CAMKV: variants seen among roughly 807,000 people sequenced by gnomAD.
The protein encoded by CAMKV is caM kinase-like vesicle-associated protein.
CAMKV carries 5 observed loss-of-function variants against 50.2 expected under a neutral mutation model. That is an observed-to-expected ratio of 0.10 (90% CI 0.05 to 0.21). The LOEUF (loss-of-function observed/expected upper bound fraction) is 0.21, where lower values mean the gene tolerates loss of function less well. Ranked by LOEUF, CAMKV falls within the 10% of genes least tolerant of loss-of-function variation. The pLI is 1.00. For missense variants in CAMKV, 361 were observed against 650.5 expected, an observed-to-expected ratio of 0.55 and a Z score of 4.84; for synonymous variants, 229 against 250.1, an observed-to-expected ratio of 0.92 and a Z score of 0.80.
chr3:49,866,824 G>T (rs1430198202), intron 1 of CAMKV, among the ~76,000 whole-genome samples: 1 of 152,250 alleles, frequency 6.6e-6, no homozygotes, highest in Non-Finnish European at 1.5e-5. Flanking sequence ...CGGGACAAAG[G>T]CCAAGAGGTC....
chr3:49,859,655 G>A lies in CAMKV; in HGVS notation c.1169C>T (p.Thr390Ile). The A allele has an allele frequency of 8.1e-6, 13 of 1,614,152 alleles. No individual in the cohort carries two copies. The highest frequency in any genetic ancestry group is 1.1e-5 in the Non-Finnish European group (13 of 1,180,006). The change falls in exon 11 of 11, where the codon ACA becomes ATA. Residue 390 changes from threonine (T) to isoleucine (I), a missense_variant. Around this residue, in one of 4 missense-constraint regions of CAMKV, gnomAD observed 87 missense variants for 92.0 expected, o/e 0.95. Transcript: ENST00000477224. The surrounding 1 kb of genome is among the most constrained non-coding windows in gnomAD (Gnocchi z 5.5). The part of the protein sequence containing the change: ...APADRSATPA[T>I]DGSATPATDG... ...AGTGGCTGGGGTGGCACTTCCATCT[G>A]TGGCTGGGGTGGCACTACGGTCTGC...
Position 49,858,894 on chromosome 3 carries a change from A to C in CAMKV, c.*424T>G. 1 of 180,968 alleles carries C rather than the reference A, an allele frequency of 5.5e-6. No homozygotes were observed. The highest frequency in any genetic ancestry group is 1.2e-5 in the Non-Finnish European group (1 of 85,410). The allele number at this position is 180,968 out of a possible 1,614,324, so 11.2% of individuals were successfully genotyped here. ...AAGACCGCTGACAGGGCCTCGCTGG[A>C]GGACCAGCTCTCAGGGCAAGGCCGC... On this transcript the variant is annotated 3_prime_UTR_variant, in exon 11 of 11. Transcript: ENST00000477224.
Position 49,862,522 on chromosome 3 carries a change from G to C in CAMKV, c.-14-120C>G. 1.3e-6 allele frequency: 1 copy of C among 783,310 alleles called. No homozygotes were observed. Among genetic ancestry groups the C allele is most frequent in the Non-Finnish European group, 2.2e-6 (1 of 460,272 alleles). 48.5% of individuals were successfully genotyped at this position (783,310 alleles called of 1,614,324 possible). ...AAGCTAGGGGCAGAGACCATACCAG[G>C]AGGGGCTAGAGGATAGGCAGGCTTA... On this transcript the variant is annotated intron_variant, in intron 1 of 10. Transcript: ENST00000477224. This position sits in a 1 kb window ranked among gnomAD's most constrained non-coding sequence, Gnocchi z 5.2.
rs2082090371 is a variant in CAMKV, at chr3:49,869,513, A to T, written c.-15+245T>A. ...AATCTTCGAGGGTTAATCTTTTCAC[A>T]ATTCCGAGCCGCAGAAGCTTCCCCC... On this transcript the variant is annotated intron_variant, in intron 1 of 10. Coordinates refer to ENST00000477224, the MANE Select transcript of CAMKV (RefSeq NM_024046.5). This position sits in a 1 kb window ranked among gnomAD's most constrained non-coding sequence, Gnocchi z 5.2. Among the ~76,000 whole-genome samples the T allele has an allele frequency of 6.6e-6, 1 of 151,964 alleles. No individual in the cohort carries two copies. Among genetic ancestry groups the T allele is most frequent in the African/African-American group, 2.4e-5 (1 of 41,366 alleles).
At position 49,859,834 on chromosome 3, in the gene CAMKV, C is replaced by T. The variant is rs972714196; in HGVS notation, c.990G>A (p.Glu330=). ...ACTGGGCTGCAGCCGTGCTGGACTG[C>T]TCTGGTGCCCGGAGCCGTTTCATGA... ...TTLMKRLRAP[E]QSSTAAAQSA... Residue 330 remains glutamate (E), a synonymous_variant, in exon 11 of 11, where the codon GAG becomes GAA. Transcript: ENST00000477224. This position sits in a 1 kb window ranked among gnomAD's most constrained non-coding sequence, Gnocchi z 5.5. 3.3e-6 allele frequency: 5 copies of T among 1,521,274 alleles called. No individual in the cohort carries two copies. The highest frequency in any genetic ancestry group is 2.3e-5 in the East Asian group (1 of 44,262). 94.2% of individuals were successfully genotyped at this position (1,521,274 alleles called of 1,614,324 possible). A position where few individuals can be genotyped will look rare whatever the true frequency, so the allele number is the denominator to read the frequency against.
intron 1 of CAMKV, among the ~76,000 whole-genome samples, chr3:49,866,417 A>G (rs1256732999): frequency 1.3e-5 from 2 of 152,144 alleles, no homozygotes; most frequent in Non-Finnish European, 2.9e-5. Context: ...ACACCCAACA[A>G]TGGAGAGCTC....
chr3:49,859,964 A>G lies in CAMKV; in HGVS notation c.943-83T>C, dbSNP rs1247090732. On this transcript the variant is annotated intron_variant, in intron 10 of 10. Transcript: ENST00000477224. The surrounding 1 kb of genome is among the most constrained non-coding windows in gnomAD (Gnocchi z 5.5). ...GCAGTGACCAAACCAAACTCCTTCCATAGTACCCCCGGCCACCTCCATCCA... is the reference window on the plus strand; with the variant it reads ...GCAGTGACCAAACCAAACTCCTTCCGTAGTACCCCCGGCCACCTCCATCCA... The G allele has an allele frequency of 2.2e-6, 3 of 1,343,606 alleles. No homozygotes were observed. The highest frequency in any genetic ancestry group is 2.4e-5 in the East Asian group (1 of 41,550). The allele number at this position is 1,343,606 out of a possible 1,614,324, so 83.2% of individuals were successfully genotyped here. A position where few individuals can be genotyped will look rare whatever the true frequency, so the allele number is the denominator to read the frequency against.
chr3:49,858,023 G>C lies in CAMKV; in HGVS notation c.*1295C>G, dbSNP rs1320653712. On this transcript the variant is annotated 3_prime_UTR_variant, in exon 11 of 11. Transcript: ENST00000477224. ...GGGTGATGTTTATTTGCCAGGTTCA[G>C]TAGGCACACAGTTAACCCACCGACC... is the stretch of plus-strand genomic sequence containing the variant. 1 of 376,750 alleles carries C rather than the reference G, an allele frequency of 2.7e-6. No homozygotes were observed. Among genetic ancestry groups the C allele is most frequent in the Non-Finnish European group, 4.7e-6 (1 of 212,600 alleles). 23.3% of individuals were successfully genotyped at this position (376,750 alleles called of 1,614,324 possible).
chr3:49,866,567 C>T (rs745945669), intron 1 of CAMKV, among the ~76,000 whole-genome samples: 26 of 152,236 alleles, frequency 1.7e-4, no homozygotes, highest in Non-Finnish European at 2.9e-4. Flanking sequence ...TATGCACTAC[C>T]GGCTGCCCAG....
chr3:49,860,228 G>A lies in CAMKV; in HGVS notation c.885C>T (p.Asn295=). 1 of 1,614,140 alleles carries A rather than the reference G, an allele frequency of 6.2e-7. No homozygotes were observed. ...WISGNAASDK[N]IKDGVCAQIE... is the part of the protein sequence containing the mutation. Reference sequence around the variant, plus strand: ...TCTGGGCACAGACACCATCCTTGATGTTCTTATCAGAAGCAGCATTGCCAG... The same window carrying A: ...TCTGGGCACAGACACCATCCTTGATATTCTTATCAGAAGCAGCATTGCCAG... Residue 295 remains asparagine (N), a synonymous_variant, in exon 10 of 11, where the codon AAC becomes AAT. Coordinates refer to ENST00000477224, the MANE Select transcript of CAMKV (RefSeq NM_024046.5). This position sits in a 1 kb window ranked among gnomAD's most constrained non-coding sequence, Gnocchi z 6.1.
At position 49,861,431 on chromosome 3, in the gene CAMKV, G is replaced by A; in HGVS notation, c.441+8C>T. The A allele has an allele frequency of 2.5e-6, 4 of 1,614,066 alleles. No homozygotes were observed. The highest frequency in any genetic ancestry group is 3.4e-6 in the Non-Finnish European group (4 of 1,180,030). On this transcript the variant is annotated splice_region_variant and intron_variant, in intron 5 of 10. Transcript: ENST00000477224. The surrounding 1 kb of genome is among the most constrained non-coding windows in gnomAD (Gnocchi z 7.7). ...CAACTGGCCCTTTGACTCTGGCTCT[G>A]CCCTCACCTTGAGATTCCTGTGCAC...
chr3:49,866,271 C>T (rs577738063), intron 1 of CAMKV, among the ~76,000 whole-genome samples: 4 of 152,298 alleles, frequency 2.6e-5, no homozygotes, highest in East Asian at 1.9e-4. Context: ...TGGGAGGTTT[C>T]GGGTGTGTGC....
At position 49,858,163 on chromosome 3, in the gene CAMKV, A is replaced by G. The variant is rs1478107781; in HGVS notation, c.*1155T>C. ...CCTATCCAGGCTGTGGTAGGGTCTG[A>G]CAAAGGGCACCTGTCAGGAGCCTCC... On this transcript the variant is annotated 3_prime_UTR_variant, in exon 11 of 11. Coordinates refer to ENST00000477224, the MANE Select transcript of CAMKV (RefSeq NM_024046.5). 2 of 397,424 alleles carry G rather than the reference A, an allele frequency of 5.0e-6. No homozygotes were observed. The highest frequency in any genetic ancestry group is 7.1e-5 in the East Asian group (2 of 28,076). The allele number at this position is 397,424 out of a possible 1,614,324, so 24.6% of individuals were successfully genotyped here. A position where few individuals can be genotyped will look rare whatever the true frequency, so the allele number is the denominator to read the frequency against.
At chr3:49,864,480 T>G (rs1455164832) in intron 1 of CAMKV, among the ~76,000 whole-genome samples, 1 of 152,090 alleles carries the variant, frequency 6.6e-6, no homozygotes, top group Non-Finnish European at 1.5e-5. Flanking sequence ...TCTGCAATCC[T>G]GCCAATTACA....
In CAMKV at chr3:49,862,262, AC is replaced by A; in HGVS notation, c.95+31del. ...TTCCCTAGCCCCTGCTCACCAGCCCACCCAGCCTTGCCTGACAGGCCCGGCA... is the reference window on the plus strand; with the variant it reads ...TTCCCTAGCCCCTGCTCACCAGCCCACCAGCCTTGCCTGACAGGCCCGGCA... On this transcript the variant is annotated intron_variant, in intron 2 of 10. Coordinates refer to ENST00000477224, the MANE Select transcript of CAMKV (RefSeq NM_024046.5). The surrounding 1 kb of genome is among the most constrained non-coding windows in gnomAD (Gnocchi z 5.2). The A allele has an allele frequency of 6.2e-7, 1 of 1,614,006 alleles. No homozygotes were observed. Among genetic ancestry groups the A allele is most frequent in the African/African-American group, 1.3e-5 (1 of 74,998 alleles).
Position 49,860,273 on chromosome 3 carries a change from A to C in CAMKV, c.855-15T>G, listed in dbSNP as rs997856360. 1 of 1,611,878 alleles carries C rather than the reference A, an allele frequency of 6.2e-7. No homozygotes were observed. The highest frequency in any genetic ancestry group is 1.1e-5 in the South Asian group (1 of 91,044). On this transcript the variant is annotated splice_polypyrimidine_tract_variant and intron_variant, in intron 9 of 10. Coordinates refer to ENST00000477224, the MANE Select transcript of CAMKV (RefSeq NM_024046.5). This position sits in a 1 kb window ranked among gnomAD's most constrained non-coding sequence, Gnocchi z 6.1. ...TGCCAGAAATCCTGGAAAGGGTGCA[A>C]GTGTGTCTGGATCTGAGAGAATGAG...
At position 49,861,144 on chromosome 3, in the gene CAMKV, C is replaced by G. The variant is rs762972783; in HGVS notation, c.562+36G>C. On this transcript the variant is annotated intron_variant, in intron 6 of 10. Coordinates refer to ENST00000477224, the MANE Select transcript of CAMKV (RefSeq NM_024046.5). The surrounding 1 kb of genome is among the most constrained non-coding windows in gnomAD (Gnocchi z 7.7). Reference sequence around the variant, plus strand: ...GAGCAGCTCCCTGAAGGCTGCCCCCCATTATCCCCCTGCCCCTGCCCCACC... The same window carrying G: ...GAGCAGCTCCCTGAAGGCTGCCCCCGATTATCCCCCTGCCCCTGCCCCACC... The G allele has an allele frequency of 5.0e-6, 8 of 1,585,782 alleles. No homozygotes were observed. In the South Asian group the frequency reaches 5.7e-5, roughly 11 times the overall value.
At position 49,861,643 on chromosome 3, in the gene CAMKV, G is replaced by A. The variant is rs2082022485; in HGVS notation, c.303-66C>T. The A allele has an allele frequency of 6.2e-7, 1 of 1,608,328 alleles. No individual in the cohort carries two copies. The highest frequency in any genetic ancestry group is 8.5e-7 in the Non-Finnish European group (1 of 1,175,848). On this transcript the variant is annotated intron_variant, in intron 4 of 10. Transcript: ENST00000477224. The surrounding 1 kb of genome is among the most constrained non-coding windows in gnomAD (Gnocchi z 7.7). ...AGGGGTAGGGCAGGAGCACTTGGGT[G>A]AGCTGCCTACGCCAGGCAGCTGGCT...
chr3:49,865,913 G>A (rs1159661611), intron 1 of CAMKV, among the ~76,000 whole-genome samples: 1 of 152,220 alleles, frequency 6.6e-6, no homozygotes, highest in Non-Finnish European at 1.5e-5. Flanking sequence ...TTTCGGCTCT[G>A]CATATGCATT....
Sources: allele counts gnomAD v4.1 joint callset (sites outside exome capture counted in the v4.1 genomes callset), GRCh38; gene constraint gnomAD v4.1.1; regional missense constraint gnomAD v4.1.1; non-coding constraint Gnocchi (gnomAD v3.1); transcripts MANE v1.5; gene names NCBI Gene and HGNC (gene_info 2026-07-23, HGNC 2026-07-21).